Variants in RYR2 observed in about 807,000 individuals in gnomAD.
RYR2 encodes cardiac muscle ryanodine receptor-calcium release channel.
Under a neutral mutation model 601.1 loss-of-function variants are expected in RYR2, and 227 were observed. That is an observed-to-expected ratio of 0.38 (90% CI 0.34 to 0.42). RYR2 has a LOEUF of 0.42. Ranked by LOEUF, RYR2 falls within the 10% of genes least tolerant of loss-of-function variation. The pLI is 1.00. For synonymous variants in RYR2, 2,223 were observed against 2,175.1 expected, an observed-to-expected ratio of 1.02 and a Z score of -0.61; for missense variants, 4,646 against 6,156.5, an observed-to-expected ratio of 0.75 and a Z score of 8.21.
intron 1 of RYR2, among the ~76,000 whole-genome samples, chr1:237,245,067 AT>A (rs1287089426): frequency 6.6e-6 from 1 of 152,026 alleles, no homozygotes; most frequent in Non-Finnish European, 1.5e-5. Flanking sequence ...AAATACTAAA[AT>A]TAGCTGGGTG....
At chr1:237,157,894 G>T (rs565939908) in intron 1 of RYR2, among the ~76,000 whole-genome samples, 1 of 152,262 alleles carries the variant, frequency 6.6e-6, no homozygotes, top group South Asian at 2.1e-4. Context: ...TTTGGAATGT[G>T]CCCAATGCAA....
At chr1:237,768,567 T>C (rs1414068114) in intron 84 of RYR2, among the ~76,000 whole-genome samples, 2 of 152,156 alleles carry the variant, frequency 1.3e-5, no homozygotes, top group Admixed American at 6.5e-5. Flanking sequence ...AAATCATAAT[T>C]TACCAGTGTA....
intron 1 of RYR2, among the ~76,000 whole-genome samples, chr1:237,191,047 TGTTA>T (rs1270530404): frequency 6.6e-6 from 1 of 152,166 alleles, no homozygotes; most frequent in Non-Finnish European, 1.5e-5. Flanking sequence ...TAGTTTCATG[TGTTA>T]GTTTAGGTCT....
intron 52 of RYR2, among the ~76,000 whole-genome samples, chr1:237,655,413 T>C (rs1683147531): frequency 1.3e-5 from 2 of 152,200 alleles, no homozygotes; most frequent in Admixed American, 6.5e-5. Flanking sequence ...TTTCTCACTC[T>C]CTAGAATGTT....
intron 1 of RYR2, among the ~76,000 whole-genome samples, chr1:237,137,585 C>A (rs1353083205): frequency 1.3e-5 from 2 of 152,102 alleles, no homozygotes; most frequent in Non-Finnish European, 2.9e-5. Context: ...GAAGGGGAGT[C>A]CCCTAGAAGA....
intron 30 of RYR2, among the ~76,000 whole-genome samples, chr1:237,590,404 C>T (rs927859176): frequency 2.6e-5 from 4 of 152,078 alleles, no homozygotes; most frequent in African/African-American, 9.7e-5. Flanking sequence ...CAATGTCAGG[C>T]TGAATCTGAA....
At chr1:237,487,103 AG>A (rs1662764380) in intron 17 of RYR2, among the ~76,000 whole-genome samples, 1 of 152,110 alleles carries the variant, frequency 6.6e-6, no homozygotes, top group Non-Finnish European at 1.5e-5. Flanking sequence ...TGATCTGCCA[AG>A]CTTTTAAATT....
At chr1:237,632,937 T>C (rs1891557) in intron 42 of RYR2, among the ~76,000 whole-genome samples, 37,872 of 152,022 alleles carry the variant, frequency 0.25, 5,275 homozygotes, top group East Asian at 0.43. Context: ...TACTGTACTT[T>C]ATTACAGAAG....
At chr1:237,143,767 C>G (rs1054944939) in intron 1 of RYR2, among the ~76,000 whole-genome samples, 7 of 152,150 alleles carry the variant, frequency 4.6e-5, no homozygotes, top group East Asian at 3.8e-4. Context: ...TCAAATACCC[C>G]CTGTCTGACC....
intron 2 of RYR2, among the ~76,000 whole-genome samples, chr1:237,325,221 G>A (rs1696034082): frequency 6.6e-6 from 1 of 152,180 alleles, no homozygotes; most frequent in Non-Finnish European, 1.5e-5. Flanking sequence ...TGCCAATGAA[G>A]TAGAAATATC....
intron 80 of RYR2, among the ~76,000 whole-genome samples, chr1:237,745,183 A>C (rs1219681679): frequency 6.6e-6 from 1 of 152,158 alleles, no homozygotes; most frequent in Non-Finnish European, 1.5e-5. Flanking sequence ...TTCAAAATGT[A>C]AATCATGTAT....
chr1:237,555,549 A>G (rs1285402248), intron 27 of RYR2, among the ~76,000 whole-genome samples: 8 of 152,126 alleles, frequency 5.3e-5, no homozygotes, highest in South Asian at 2.1e-4. Flanking sequence ...ATATTTTGGT[A>G]TCTATAGTCT....
At chr1:237,809,678 C>T (rs12023910) in intron 100 of RYR2, among the ~76,000 whole-genome samples, 6,278 of 152,052 alleles carry the variant, frequency 0.041, 142 homozygotes, top group African/African-American at 0.055. Flanking sequence ...AAGCTCCTCA[C>T]GAAAATACCT....
At chr1:237,803,310 TC>T in intron 98 of RYR2, among the ~76,000 whole-genome samples, 1 of 115,620 alleles carries the variant, frequency 8.6e-6, no homozygotes. Flanking sequence ...TTTGCATTTT[TC>T]TTTTTTTTTT....
intron 1 of RYR2, among the ~76,000 whole-genome samples, chr1:237,050,435 C>T (rs1661111778): frequency 6.6e-6 from 1 of 152,194 alleles, no homozygotes; most frequent in South Asian, 2.1e-4. Flanking sequence ...CATGTGGTCA[C>T]TGAGGGAGAG....
chr1:237,663,078 A>G (rs1049594047), intron 56 of RYR2, among the ~76,000 whole-genome samples: 1 of 152,250 alleles, frequency 6.6e-6, no homozygotes, highest in Admixed American at 6.5e-5. Flanking sequence ...GAATATTTCT[A>G]TAAGCCTCAG....
At chr1:237,797,923 A>C (rs529667560) in intron 96 of RYR2, 114 bp from the exon 97 acceptor site, 2 of 983,222 alleles carry the variant, frequency 2.0e-6, no homozygotes, top group African/African-American at 1.7e-5. Context: ...ATTTTAAGTG[A>C]TTGTTAGGGC....
At chr1:237,563,198 C>T (rs1195622853) in intron 27 of RYR2, among the ~76,000 whole-genome samples, 1 of 151,882 alleles carries the variant, frequency 6.6e-6, no homozygotes, top group Non-Finnish European at 1.5e-5. Context: ...ACCTGAGGCT[C>T]GAAGTTCGAG....
chr1:237,759,033 C>A lies in RYR2; in HGVS notation c.11326-743C>A, dbSNP rs551083785. Among the ~76,000 whole-genome samples the A allele has an allele frequency of 2.1e-3, 315 of 152,132 alleles. 1 individual carries two copies. Among genetic ancestry groups the A allele is most frequent in the African/African-American group, 7.4e-3 (308 of 41,488 alleles). ...ACTATGGTAATGGAAACTGAATTTC[C>A]GTCTATAGCATTAGCATATGGCAGT... On this transcript the variant is annotated intron_variant, in intron 82 of 104. Coordinates refer to ENST00000366574, the MANE Select transcript of RYR2 (RefSeq NM_001035.3).
Sources: gnomAD v4.1 joint callset for allele counts (sites outside exome capture counted in the v4.1 genomes callset) on GRCh38, gnomAD v4.1.1 for gene constraint, MANE v1.5 for transcripts, NCBI Gene and HGNC (gene_info 2026-07-23, HGNC 2026-07-21) for gene names.